Variants in SCARB2 observed in about 807,000 individuals in gnomAD.
The protein encoded by SCARB2 is lysosome membrane protein 2.
In SCARB2, 29 loss-of-function variants were observed where a neutral mutation model predicts 58.6. The observed-to-expected ratio is 0.49, with a 90% CI of 0.37 to 0.67. The LOEUF is 0.67. SCARB2 is among the 30% of genes least tolerant of loss of function. The probability of loss-of-function intolerance (pLI) is 0.00; values close to 1 mark genes in which losing one functional copy is unlikely to be tolerated. For missense variants in SCARB2, 488 were observed against 578.5 expected, an observed-to-expected ratio of 0.84 and a Z score of 1.60; for synonymous variants, 195 against 210.1, an observed-to-expected ratio of 0.93 and a Z score of 0.62.
chr4:76,182,273 T>A (rs905410048), intron 2 of SCARB2, among the ~76,000 whole-genome samples: 2 of 152,208 alleles, frequency 1.3e-5, no homozygotes, highest in African/African-American at 4.8e-5. Context: ...CACATGTGAC[T>A]ACTGAGTACT....
chr4:76,166,030 G>T (rs1732002019), intron 10 of SCARB2: 13 of 621,212 alleles, frequency 2.1e-5, no homozygotes, highest in Admixed American at 1.0e-4. Context: ...CCCAAATAGT[G>T]TTCTTGAGAA....
At chr4:76,229,008 T>C (rs916068320) in intron 1 of SCARB2, among the ~76,000 whole-genome samples, 3 of 152,194 alleles carry the variant, frequency 2.0e-5, no homozygotes, top group Non-Finnish European at 4.4e-5. Context: ...ATCCCTAATT[T>C]CATGGACGCT....
Position 76,195,804 on chromosome 4 carries a change from C to T in SCARB2, c.178G>A (p.Val60Met), listed in dbSNP as rs1287892295. Reference sequence around the variant, plus strand: ...TTGAAGAAATAGAACTGAGTATACACAGGCAGAGGGGGCTTCTCCCAGGAG... The same window carrying T: ...TTGAAGAAATAGAACTGAGTATACATAGGCAGAGGGGGCTTCTCCCAGGAG... ...FDSWEKPPLPVYTQFYFFNVT... is the reference protein window; with the variant it reads ...FDSWEKPPLPMYTQFYFFNVT... The change falls in exon 2 of 12, where the codon GTG (valine) becomes ATG (methionine). Residue 60 changes from valine (V) to methionine (M), a missense_variant. Val to Met is a conservative substitution (Grantham distance 21). Coordinates refer to ENST00000264896, the MANE Select transcript of SCARB2 (RefSeq NM_005506.4). 2 of 1,613,750 alleles carry T rather than the reference C, an allele frequency of 1.2e-6. No individual in the cohort carries two copies. The highest frequency in any genetic ancestry group is 1.1e-5 in the South Asian group (1 of 91,078).
chr4:76,171,897 G>A (rs184240238), intron 7 of SCARB2, among the ~76,000 whole-genome samples: 1 of 152,156 alleles, frequency 6.6e-6, no homozygotes, highest in African/African-American at 2.4e-5. Context: ...CTTGTTAAAA[G>A]TGTAGATTCT....
chr4:76,174,327 A>C lies in SCARB2; in HGVS notation c.825-14T>G. ...ATATACACTGACCTGTTAGGATGTA[A>C]GAATAAAAAGTGAATGTGGACTCTG... On this transcript the variant is annotated splice_polypyrimidine_tract_variant and intron_variant, in intron 6 of 11. Coordinates refer to ENST00000264896, the MANE Select transcript of SCARB2 (RefSeq NM_005506.4). 6.2e-7 allele frequency: 1 copy of C among 1,613,638 alleles called. No homozygotes were observed. The highest frequency in any genetic ancestry group is 2.2e-5 in the East Asian group (1 of 44,876).
At chr4:76,213,397 A>C in intron 1 of SCARB2, 30 bp downstream of exon 1, 1 of 1,497,460 alleles carries the variant, frequency 6.7e-7, no homozygotes, top group Non-Finnish European at 9.3e-7. Flanking sequence ...GGACGACTCC[A>C]CAACACACAC....
chr4:76,194,834 T>C (rs1732678504), intron 2 of SCARB2: 1 of 152,112 alleles, frequency 6.6e-6, no homozygotes, highest in Non-Finnish European at 1.5e-5. Flanking sequence ...CGTCTCCCTC[T>C]ACTAATCGTT....
intron 2 of SCARB2, among the ~76,000 whole-genome samples, chr4:76,186,815 T>G (rs1732497282): frequency 6.6e-6 from 1 of 152,178 alleles, no homozygotes; most frequent in Non-Finnish European, 1.5e-5. Flanking sequence ...TTTTTACTTC[T>G]GAGCAGTTTA....
intron 1 of SCARB2, among the ~76,000 whole-genome samples, chr4:76,231,896 C>T (rs1301702730): frequency 3.9e-5 from 6 of 152,162 alleles, no homozygotes; most frequent in East Asian, 1.9e-4. Context: ...ATTTTATTGG[C>T]GCTGCAAGTC....
intron 1 of SCARB2, among the ~76,000 whole-genome samples, chr4:76,208,004 AC>A (rs1209205605): frequency 6.6e-6 from 1 of 152,112 alleles, no homozygotes; most frequent in Non-Finnish European, 1.5e-5. Context: ...AAATATAAAC[AC>A]CTTTTTTAAA....
chr4:76,212,550 G>A (rs2109973030), intron 1 of SCARB2, among the ~76,000 whole-genome samples: 1 of 152,256 alleles, frequency 6.6e-6, no homozygotes, highest in Admixed American at 6.5e-5. Context: ...GTGCAGTTAT[G>A]GATGCTAACA....
upstream of SCARB2, chr4:76,217,753 G>A: frequency 4.0e-6 from 2 of 498,548 alleles, no homozygotes; most frequent in Admixed American, 3.3e-5. Flanking sequence ...GTGGCAAGGA[G>A]ATACGGTGAT....
chr4:76,168,608 A>C, intron 8 of SCARB2, 132 bp from the exon 9 acceptor site: 6 of 740,170 alleles, frequency 8.1e-6, no homozygotes, highest in Non-Finnish European at 1.2e-5. Context: ...GCAGAGTGGA[A>C]ACAAGTAAAA....
Position 76,161,596 on chromosome 4 carries a change from C to T in SCARB2, c.*117G>A, listed in dbSNP as rs3733255. ...GAATGTTCCTATCACTTGCCAGCGCCGTGTCTTTTTCCTTCTTTCAACAGG... is the reference window on the plus strand; with the variant it reads ...GAATGTTCCTATCACTTGCCAGCGCTGTGTCTTTTTCCTTCTTTCAACAGG... On this transcript the variant is annotated 3_prime_UTR_variant, in exon 12 of 12. Transcript: ENST00000264896. The T allele has an allele frequency of 8.0e-3, 8,505 of 1,058,144 alleles. 222 individuals carry two copies. The highest frequency in any genetic ancestry group is 0.074 in the African/African-American group (4,723 of 64,244). 65.5% of individuals were successfully genotyped at this position (1,058,144 alleles called of 1,614,324 possible). A position where few individuals can be genotyped will look rare whatever the true frequency, so the allele number is the denominator to read the frequency against.
At chr4:76,201,037 G>A (rs1732819106) in intron 1 of SCARB2, among the ~76,000 whole-genome samples, 1 of 152,184 alleles carries the variant, frequency 6.6e-6, no homozygotes, top group African/African-American at 2.4e-5. Flanking sequence ...TCCTTGACCT[G>A]TTGTGATCTG....
intron 1 of SCARB2, among the ~76,000 whole-genome samples, chr4:76,201,337 G>A (rs952781112): frequency 6.6e-6 from 1 of 152,200 alleles, no homozygotes; most frequent in African/African-American, 2.4e-5. Flanking sequence ...TAAGGAAAAT[G>A]TGTTCATTAG....
At chr4:76,209,460 C>T (rs1365039742) in intron 1 of SCARB2, among the ~76,000 whole-genome samples, 2 of 152,164 alleles carry the variant, frequency 1.3e-5, no homozygotes, top group Non-Finnish European at 2.9e-5. Context: ...CCTCCGCCTC[C>T]CGGATTCAAG....
At chr4:76,213,866 G>A (rs1348114975), upstream of SCARB2, 7 of 186,420 alleles carry the variant, frequency 3.8e-5, no homozygotes, top group Non-Finnish European at 7.6e-5. Context: ...GGCCGGGCTC[G>A]CCGCAACCCC....
chr4:76,181,681 C>CA (rs1732389943), intron 2 of SCARB2, among the ~76,000 whole-genome samples: 1 of 152,140 alleles, frequency 6.6e-6, no homozygotes, highest in African/African-American at 2.4e-5. Context: ...CCTCCCACCT[C>CA]AGCCTCCCAA....
Sources: allele counts gnomAD v4.1 joint callset (sites outside exome capture counted in the v4.1 genomes callset), GRCh38; gene constraint gnomAD v4.1.1; transcripts MANE v1.5; gene names NCBI Gene and HGNC (gene_info 2026-07-23, HGNC 2026-07-21).